CNTNAP2: variants seen among roughly 807,000 people sequenced by gnomAD.
The protein encoded by CNTNAP2 is contactin associated protein 2, also known as contactin-associated protein-like 2.
CNTNAP2 carries 98 observed loss-of-function variants against 155.2 expected under a neutral mutation model. That is an observed-to-expected ratio of 0.63 (90% confidence interval 0.54 to 0.75). The LOEUF is 0.75. Ranked by LOEUF, CNTNAP2 falls within the 30% of genes least tolerant of loss-of-function variation. CNTNAP2 has a pLI of 0.00. For synonymous variants in CNTNAP2, 651 were observed against 631.2 expected, an observed-to-expected ratio of 1.03 and a Z score of -0.47; for missense variants, 1,727 against 1,688.1, an observed-to-expected ratio of 1.02 and a Z score of -0.40.
chr7:147,224,889 T>C (rs1803486558), intron 8 of CNTNAP2, among the ~76,000 whole-genome samples: 1 of 152,216 alleles, frequency 6.6e-6, no homozygotes, highest in South Asian at 2.1e-4. Flanking sequence ...TTCTTGATTT[T>C]GTTTTTTTAT....
intron 8 of CNTNAP2, 89 bp from the exon 9 acceptor site, chr7:147,300,052 A>T: frequency 7.2e-7 from 1 of 1,394,590 alleles, no homozygotes; most frequent in Non-Finnish European, 1.0e-6. Flanking sequence ...AAATACTTTT[A>T]TTTGTAAAAT....
At chr7:147,856,799 T>G (rs994878359) in intron 13 of CNTNAP2, among the ~76,000 whole-genome samples, 3 of 152,170 alleles carry the variant, frequency 2.0e-5, no homozygotes, top group African/African-American at 7.2e-5. Flanking sequence ...TCAGGAAATT[T>G]TGGGGGGAGT....
chr7:147,572,650 T>A (rs1781057419), intron 12 of CNTNAP2, among the ~76,000 whole-genome samples: 1 of 152,020 alleles, frequency 6.6e-6, no homozygotes, highest in African/African-American at 2.4e-5. Context: ...GCACTTGGAA[T>A]CTGAAACTCT....
chr7:146,907,382 G>A (rs1436235151), intron 3 of CNTNAP2, among the ~76,000 whole-genome samples: 2 of 148,776 alleles, frequency 1.3e-5, no homozygotes, highest in Non-Finnish European at 3.0e-5. Context: ...AGGAAAAAAT[G>A]TTAAGGGCAG....
chr7:146,503,604 A>G (rs1044443244), intron 1 of CNTNAP2, among the ~76,000 whole-genome samples: 6 of 152,078 alleles, frequency 3.9e-5, no homozygotes, highest in Non-Finnish European at 8.8e-5. Context: ...ATTATATTTG[A>G]TTTTTGTATA....
intron 17 of CNTNAP2, among the ~76,000 whole-genome samples, chr7:148,168,904 C>G (rs1720251558): frequency 6.6e-6 from 1 of 152,068 alleles, no homozygotes; most frequent in Admixed American, 6.6e-5. Context: ...GTTGAATAAT[C>G]ATATTATTTT....
chr7:148,334,462 T>G (rs1798082826), intron 21 of CNTNAP2, among the ~76,000 whole-genome samples: 1 of 152,132 alleles, frequency 6.6e-6, no homozygotes, highest in South Asian at 2.1e-4. Context: ...GGCAAGACAA[T>G]GGAGCAGTGG....
intron 14 of CNTNAP2, among the ~76,000 whole-genome samples, chr7:147,927,799 T>C (rs1016249): frequency 6.6e-6 from 1 of 151,712 alleles, no homozygotes; most frequent in Middle Eastern, 3.4e-3. Context: ...TTTGACTAGA[T>C]TGGGAAATTC....
chr7:147,324,037 A>AG (rs1370118062), intron 9 of CNTNAP2, among the ~76,000 whole-genome samples: 1 of 108,800 alleles, frequency 9.2e-6, no homozygotes, highest in Non-Finnish European at 1.8e-5. Context: ...CAGAACTATT[A>AG]GGAAAAAAAA....
At chr7:147,739,949 C>T (rs1796927437) in intron 13 of CNTNAP2, among the ~76,000 whole-genome samples, 1 of 152,140 alleles carries the variant, frequency 6.6e-6, no homozygotes, top group Non-Finnish European at 1.5e-5. Flanking sequence ...TACCACATTG[C>T]CCAAGGCTGG....
chr7:147,037,455 C>CCTT (rs1339423315), intron 3 of CNTNAP2, among the ~76,000 whole-genome samples: 24 of 134,658 alleles, frequency 1.8e-4, no homozygotes, highest in East Asian at 1.3e-3. Flanking sequence ...TTTTTTTTCC[C>CCTT]TTTTTTTTTT....
At chr7:148,125,902 C>A (rs1332205411) in intron 16 of CNTNAP2, among the ~76,000 whole-genome samples, 1 of 151,950 alleles carries the variant, frequency 6.6e-6, no homozygotes, top group African/African-American at 2.4e-5. Flanking sequence ...AGGGTTTCAT[C>A]ATGTTGGCCA....
intron 14 of CNTNAP2, among the ~76,000 whole-genome samples, chr7:147,915,754 C>A (rs1408879346): frequency 6.9e-6 from 1 of 144,358 alleles, no homozygotes; most frequent in Non-Finnish European, 1.5e-5. Context: ...GGGTGGCGGG[C>A]GGGGGTGAAG....
intron 1 of CNTNAP2, among the ~76,000 whole-genome samples, chr7:146,695,601 T>G (rs185990529): frequency 7.2e-5 from 11 of 151,864 alleles, no homozygotes; most frequent in Admixed American, 5.9e-4. Flanking sequence ...TTTTTCATAT[T>G]TTTTTTGTAG....
chr7:148,123,725 GA>G (rs941282480), intron 16 of CNTNAP2, among the ~76,000 whole-genome samples: 1 of 146,110 alleles, frequency 6.8e-6, no homozygotes. Flanking sequence ...AGAAAGAAAA[GA>G]AAAAGGAAGA....
At chr7:146,671,024 C>A (rs1800294667) in intron 1 of CNTNAP2, among the ~76,000 whole-genome samples, 1 of 152,166 alleles carries the variant, frequency 6.6e-6, no homozygotes, top group Non-Finnish European at 1.5e-5. Flanking sequence ...ACACAACGAA[C>A]TTCAAAGGTG....
At chr7:147,120,892 C>T in intron 5 of CNTNAP2, 87 bp from the exon 6 acceptor site, 1 of 1,232,946 alleles carries the variant, frequency 8.1e-7, no homozygotes. Context: ...ATGTCAGCCT[C>T]TAGGTGCTGT....
At chr7:148,320,428 G>T (rs1797771513) in intron 21 of CNTNAP2, among the ~76,000 whole-genome samples, 1 of 135,904 alleles carries the variant, frequency 7.4e-6, no homozygotes, top group African/African-American at 2.8e-5. Context: ...AGGTCACCCA[G>T]GTTGGAGTGC....
chr7:147,963,857 G>T (rs1046148597), intron 14 of CNTNAP2, among the ~76,000 whole-genome samples: 1 of 151,992 alleles, frequency 6.6e-6, no homozygotes, highest in Non-Finnish European at 1.5e-5. Flanking sequence ...CCCTTGCTTG[G>T]AAGACCAAAT....
Sources: allele counts gnomAD v4.1 joint callset (sites outside exome capture counted in the v4.1 genomes callset), GRCh38; gene constraint gnomAD v4.1.1; transcripts MANE v1.5; gene names NCBI Gene and HGNC (gene_info 2026-07-23, HGNC 2026-07-21).